The following QNG1 variants were observed in gnomAD, a reference collection of about 807,000 sequenced individuals.
QNG1 encodes the protein queuosine 5'-phosphate N-glycosylase/hydrolase.
chr9:83,938,640 T>C, the QNG1 span: 2 of 151,340 alleles, frequency 1.3e-5, no homozygotes, highest in Non-Finnish European at 2.9e-5. Context: ...TAAAGTTCCT[T>C]CACGATTTCC....
the QNG1 span, among the ~76,000 whole-genome samples, chr9:83,948,771 T>C: frequency 6.6e-6 from 1 of 152,204 alleles, no homozygotes; most frequent in African/African-American, 2.4e-5. Context: ...TGCCTTGGGA[T>C]GCTGTTAATC....
At chr9:83,939,733 G>A in the QNG1 span, 1 of 1,613,522 alleles carries the variant, frequency 6.2e-7, no homozygotes, top group Non-Finnish European at 8.5e-7. Flanking sequence ...CTCCATATGA[G>A]AGCATTTCTC....
At chr9:83,945,264 T>A in the QNG1 span, among the ~76,000 whole-genome samples, 2 of 151,276 alleles carry the variant, frequency 1.3e-5, no homozygotes, top group Non-Finnish European at 2.9e-5. Context: ...TAGCTGGGCG[T>A]GGTGGCACAC....
the QNG1 span, among the ~76,000 whole-genome samples, chr9:83,947,060 C>G: frequency 1.2e-4 from 19 of 152,058 alleles, no homozygotes; most frequent in African/African-American, 4.6e-4. Context: ...AACTGAGACT[C>G]TATCTCAAAA....
chr9:83,948,542 G>A, the QNG1 span, among the ~76,000 whole-genome samples: 3 of 151,820 alleles, frequency 2.0e-5, no homozygotes, highest in African/African-American at 4.8e-5. Flanking sequence ...TGGCCGCCCC[G>A]TCTGGGAAGT....
At chr9:83,956,677 T>C in the QNG1 span, 1 of 508,564 alleles carries the variant, frequency 2.0e-6, no homozygotes, top group Non-Finnish European at 3.3e-6. Flanking sequence ...TCCCGCGGCG[T>C]TGCCCTGATT....
chr9:83,954,879 C>CAAAAAAA, the QNG1 span, among the ~76,000 whole-genome samples: 2 of 47,040 alleles, frequency 4.3e-5, no homozygotes, highest in Non-Finnish European at 4.1e-5. Flanking sequence ...GAGTCCATCT[C>CAAAAAAA]AAAAAAAAAA....
chr9:83,955,546 TA>T, the QNG1 span: 1 of 1,614,198 alleles, frequency 6.2e-7, no homozygotes, highest in Non-Finnish European at 8.5e-7. Context: ...TCTCTTCTAC[TA>T]AAGGCATGGA....
At chr9:83,945,863 A>G in the QNG1 span, among the ~76,000 whole-genome samples, 1 of 152,072 alleles carries the variant, frequency 6.6e-6, no homozygotes, top group South Asian at 2.1e-4. Flanking sequence ...CGGCCTCCCA[A>G]AGTGCCGAGA....
chr9:83,939,764 A>G, the QNG1 span: 3 of 1,532,340 alleles, frequency 2.0e-6, no homozygotes, highest in East Asian at 6.7e-5. Flanking sequence ...GAAAAGCAGT[A>G]AGAAAAATTA....
At chr9:83,943,952 C>T in the QNG1 span, among the ~76,000 whole-genome samples, 3 of 152,018 alleles carry the variant, frequency 2.0e-5, no homozygotes, top group East Asian at 1.9e-4. Flanking sequence ...ACCTGGGAGG[C>T]GGAGCTTGCA....
chr9:83,939,793 T>C, the QNG1 span: 1 of 1,272,386 alleles, frequency 7.9e-7, no homozygotes, highest in African/African-American at 1.5e-5. Flanking sequence ...TGATACATAA[T>C]CTACTTGAAC....
the QNG1 span, among the ~76,000 whole-genome samples, chr9:83,940,814 G>A: frequency 1.2e-4 from 18 of 152,308 alleles, no homozygotes; most frequent in African/African-American, 4.3e-4. Context: ...CAGTACCCAG[G>A]ATATCTTGTG....
chr9:83,940,446 G>A, the QNG1 span, among the ~76,000 whole-genome samples: 23 of 152,030 alleles, frequency 1.5e-4, no homozygotes, highest in East Asian at 4.1e-3. Context: ...AGAACCAACC[G>A]TATCTCCAAA....
the QNG1 span, among the ~76,000 whole-genome samples, chr9:83,948,411 C>A: frequency 6.6e-6 from 1 of 151,078 alleles, no homozygotes; most frequent in African/African-American, 2.4e-5. Flanking sequence ...GGCAGCCGCC[C>A]CGTCCGGGAG....
chr9:83,955,864 T>G, the QNG1 span, among the ~76,000 whole-genome samples: 1 of 152,204 alleles, frequency 6.6e-6, no homozygotes, highest in Admixed American at 6.5e-5. Flanking sequence ...GTATTCTGAG[T>G]AAATTGCTTT....
chr9:83,944,879 C>G, the QNG1 span: 125 of 1,613,586 alleles, frequency 7.7e-5, no homozygotes, highest in Admixed American at 2.0e-3. Context: ...AATCAGCAAA[C>G]ATGGTGATAC....
the QNG1 span, chr9:83,945,065 T>G: frequency 8.5e-7 from 1 of 1,177,990 alleles, no homozygotes; most frequent in African/African-American, 1.6e-5. Context: ...AAGGTGCAGT[T>G]GAAACATTTT....
chr9:83,951,854 G>A, the QNG1 span, among the ~76,000 whole-genome samples: 3 of 152,250 alleles, frequency 2.0e-5, no homozygotes, highest in East Asian at 3.9e-4. Context: ...GCCAGGTTGG[G>A]AAATCACTGA....
Sources: allele counts gnomAD v4.1 joint callset (sites outside exome capture counted in the v4.1 genomes callset), GRCh38; gene constraint gnomAD v4.1.1; transcripts MANE v1.5; gene names NCBI Gene and HGNC (gene_info 2026-07-23, HGNC 2026-07-21).